Variants in PATL2 observed in about 807,000 individuals in gnomAD.
The protein encoded by PATL2 is PAT1 homolog 2, also known as protein PAT1 homolog 2.
PATL2 carries 73 observed loss-of-function variants against 77.0 expected under a neutral mutation model. That is an observed-to-expected ratio of 0.95 (90% CI 0.78 to 1.15). PATL2 has a LOEUF of 1.15. Ranked by LOEUF, PATL2 falls within the 50% of genes most tolerant of loss-of-function variation. PATL2 has a pLI of 0.00. For missense variants in PATL2, 618 were observed against 655.4 expected, an observed-to-expected ratio of 0.94 and a Z score of 0.62; for synonymous variants, 265 against 257.1, an observed-to-expected ratio of 1.03 and a Z score of -0.29.
chr15:44,668,520 A>G (rs1366676865), intron 14 of PATL2, 38 bp from the exon 15 acceptor site: 1 of 1,542,344 alleles, frequency 6.5e-7, no homozygotes, highest in East Asian at 2.5e-5. Context: ...AAATTCCACT[A>G]CAACTTCACC....
At chr15:44,678,560 G>A (rs2086050457) in intron 3 of PATL2, among the ~76,000 whole-genome samples, 1 of 152,094 alleles carries the variant, frequency 6.6e-6, no homozygotes, top group African/African-American at 2.4e-5. Flanking sequence ...TGTTAGGCTT[G>A]GGGTAAACAG....
rs576793251 is a variant in PATL2 at position 44,672,235 on chromosome 15, G to A, written c.516-79C>T. The A allele has an allele frequency of 7.3e-4, 1,137 of 1,546,988 alleles. 21 individuals are homozygous for A. The South Asian group carries it at 0.013, about 17-fold the overall frequency. On this transcript the variant is annotated intron_variant, in intron 8 of 17. Transcript: ENST00000682850. ...AGGAGTGTGGTGAGCAGGAAGTGGGGCTCTCTGGGAAGGATGGAGCAAGCA... is the reference window on the plus strand; with the variant it reads ...AGGAGTGTGGTGAGCAGGAAGTGGGACTCTCTGGGAAGGATGGAGCAAGCA...
In PATL2 at chr15:44,710,188, G is replaced by A. The variant is rs2086825742; in HGVS notation, c.-168C>T. On this transcript the variant is annotated 5_prime_UTR_variant, in exon 3 of 18. Transcript: ENST00000682850. ...ATTGCATTTTCTTAGTTTAGGCATG[G>A]CCTCCACAATAAAGATTATCAAAAG... Among the ~76,000 whole-genome samples, 1 of 152,072 alleles carries A rather than the reference G, an allele frequency of 6.6e-6. No homozygotes were observed. Among genetic ancestry groups the A allele is most frequent in the Admixed American group, 6.6e-5 (1 of 15,252 alleles).
At chr15:44,706,795 T>C (rs760654745) in intron 3 of PATL2, among the ~76,000 whole-genome samples, 6 of 152,192 alleles carry the variant, frequency 3.9e-5, no homozygotes, top group Non-Finnish European at 5.9e-5. Context: ...GGCTCTAAAA[T>C]CAGCAGGTGG....
At chr15:44,688,801 G>A (rs773491267) in intron 3 of PATL2, among the ~76,000 whole-genome samples, 14 of 152,168 alleles carry the variant, frequency 9.2e-5, no homozygotes, top group South Asian at 2.1e-4. Context: ...ATAGGAGTGG[G>A]CAAAGACTTC....
Position 44,684,869 on chromosome 15 carries a change from G to C in PATL2, c.-75-8304C>G, listed in dbSNP as rs997130135. 9.9e-4 allele frequency among the ~76,000 whole-genome samples: 151 copies of C among 152,176 alleles called. 3 individuals are homozygous for C. The highest frequency in any genetic ancestry group is 2.5e-4 in the Non-Finnish European group (17 of 68,038). ...AGAGAAAGGTTGGGTTACCCAGAAA[G>C]GTAAGTCCATCAGACTAACAGTGGA... On this transcript the variant is annotated intron_variant, in intron 3 of 17. Transcript: ENST00000682850.
At position 44,674,226 on chromosome 15, in the gene PATL2, G is replaced by C; in HGVS notation, c.227C>G (p.Ala76Gly). 6.5e-7 allele frequency: 1 copy of C among 1,546,536 alleles called. No homozygotes were observed. The highest frequency in any genetic ancestry group is 8.8e-7 in the Non-Finnish European group (1 of 1,142,458). ...VLGAVHNTQR[A>G]LLSSPGVKAP... is the part of the protein sequence containing the mutation. The stretch of plus-strand genomic sequence containing the variant: ...CTTGACTCCAGGGGAGCTAAGCAGA[G>C]CTCTCTGGAACAGGAGGGAGGAAAA... Residue 76 changes from alanine (A) to glycine (G), a missense_variant, in exon 6 of 18, where the codon GCT becomes GGT. By Grantham distance (60) the Ala-to-Gly change is moderately conservative. Transcript: ENST00000682850.
intron 16 of PATL2, 82 bp from the exon 17 acceptor site, chr15:44,666,623 G>T: frequency 1.5e-6 from 2 of 1,361,406 alleles, no homozygotes; most frequent in Non-Finnish European, 2.0e-6. Flanking sequence ...TTATCTTTCC[G>T]TTACTACTAC....
At chr15:44,693,879 T>A (rs1347110377) in intron 3 of PATL2, among the ~76,000 whole-genome samples, 2 of 151,998 alleles carry the variant, frequency 1.3e-5, no homozygotes, top group Non-Finnish European at 2.9e-5. Flanking sequence ...TTTTTTGTAT[T>A]TTTAGTAGAG....
intron 4 of PATL2, 135 bp from the exon 5 acceptor site, chr15:44,675,826 T>C (rs2085927491): frequency 1.3e-6 from 1 of 747,242 alleles, no homozygotes; most frequent in Non-Finnish European, 2.1e-6. Context: ...ACGCCTCCTG[T>C]TCTGTGGGTT....
At chr15:44,696,134 G>A (rs1351431491) in intron 3 of PATL2, among the ~76,000 whole-genome samples, 4 of 152,240 alleles carry the variant, frequency 2.6e-5, no homozygotes. Context: ...AAATATCCAG[G>A]TTAGAATTCT....
intron 3 of PATL2, among the ~76,000 whole-genome samples, chr15:44,689,642 A>G (rs951780524): frequency 6.6e-6 from 1 of 152,016 alleles, no homozygotes; most frequent in Non-Finnish European, 1.5e-5. Flanking sequence ...GCTCTCACTC[A>G]TAAGTGGGAG....
At position 44,665,887 on chromosome 15, in the gene PATL2, CAT is replaced by C. The variant is rs1330553142; in HGVS notation, c.*64_*65del. ...TTCAGACTCTCTGGATCCCTGTAAACATAGTCTATGTAGCTAGTGTCTGATGA... is the reference window on the plus strand; with the variant it reads ...TTCAGACTCTCTGGATCCCTGTAAACAGTCTATGTAGCTAGTGTCTGATGA... On this transcript the variant is annotated 3_prime_UTR_variant, in exon 18 of 18. Transcript: ENST00000682850. The C allele has an allele frequency of 1.6e-5, 25 of 1,550,176 alleles. No individual in the cohort carries two copies. Among genetic ancestry groups the C allele is most frequent in the Non-Finnish European group, 2.2e-5 (25 of 1,146,166 alleles).
At position 44,687,781 on chromosome 15, in the gene PATL2, C is replaced by T. The variant is rs146994030; in HGVS notation, c.-75-11216G>A. The stretch of plus-strand genomic sequence containing the variant: ...CAATAATAGACAGAGAGCAAAATCA[C>T]GAGTGAACTCCCAGTCACAATTGCT... On this transcript the variant is annotated intron_variant, in intron 3 of 17. Transcript: ENST00000682850. Among the ~76,000 whole-genome samples, 20 of 152,180 alleles carry T rather than the reference C, an allele frequency of 1.3e-4. No homozygotes were observed. In the East Asian group the frequency reaches 1.9e-3, roughly 15 times the overall value.
At position 44,665,969 on chromosome 15, in the gene PATL2, A is replaced by C. The variant is rs747202536; in HGVS notation, c.1616T>G (p.Phe539Cys). Residue 539 changes from phenylalanine (F) to cysteine (C), a missense_variant and splice_region_variant, in exon 18 of 18, where the codon TTT becomes TGT. Transcript: ENST00000682850. ...LVQQLEARME[F>C]AWIY ...ACAAACAGATCAGTAAATCCAGGCA[A>C]ACCTATAAAGAGAACAGATATTAAC... 6.5e-7 allele frequency: 1 copy of C among 1,542,874 alleles called. No homozygotes were observed. The highest frequency in any genetic ancestry group is 1.2e-5 in the South Asian group (1 of 82,582).
chr15:44,676,291 G>A lies in PATL2; in HGVS notation c.16+184C>T, dbSNP rs576316930. On this transcript the variant is annotated intron_variant, in intron 4 of 17. Coordinates refer to ENST00000682850, the MANE Select transcript of PATL2 (RefSeq NM_001387263.1). The stretch of plus-strand genomic sequence containing the variant: ...GGGTTGTTGTTGATAATTTTACTAG[G>A]TTGGTGAGAAAAATAAAGCCCAGAA... The A allele has an allele frequency of 1.1e-4, 66 of 622,148 alleles. No homozygotes were observed. In the East Asian group the frequency reaches 1.9e-3, roughly 18 times the overall value. The allele number at this position is 622,148 out of a possible 1,614,324, so 38.5% of individuals were successfully genotyped here.
chr15:44,670,197 GTGTTA>G (rs767914604), intron 9 of PATL2, 110 bp from the exon 10 acceptor site: 208 of 1,408,152 alleles, frequency 1.5e-4, no homozygotes, highest in Middle Eastern at 2.0e-4. Context: ...TTTTTTGTGT[GTGTTA>G]TAAGTTTTGT....
rs776015360 is a variant in PATL2, at chr15:44,672,005, C to T, written c.657+10G>A. ...AGGTCAGAGGCTGGGCTGAGTACTG[C>T]GGGGCTCACCTGGTAATAGTAGTCA... On this transcript the variant is annotated intron_variant, in intron 9 of 17. Transcript: ENST00000682850. 105 of 1,551,392 alleles carry T rather than the reference C, an allele frequency of 6.8e-5. No homozygotes were observed. The highest frequency in any genetic ancestry group is 9.8e-5 in the Admixed American group (5 of 50,978).
At chr15:44,671,360 A>G (rs2085665519) in intron 9 of PATL2, among the ~76,000 whole-genome samples, 1 of 152,160 alleles carries the variant, frequency 6.6e-6, no homozygotes, top group African/African-American at 2.4e-5. Flanking sequence ...ATGGTGGTGC[A>G]TGCCTGTGAT....
Sources: allele counts gnomAD v4.1 joint callset (sites outside exome capture counted in the v4.1 genomes callset), GRCh38; gene constraint gnomAD v4.1.1; transcripts MANE v1.5; gene names NCBI Gene and HGNC (gene_info 2026-07-23, HGNC 2026-07-21).